The following SETBP1 variants were observed in gnomAD, a reference collection of about 807,000 sequenced individuals.
The protein encoded by SETBP1 is SET binding protein 1.
Under a neutral mutation model 101.0 loss-of-function variants are expected in SETBP1, and 9 were observed. The observed-to-expected ratio is 0.09, with a 90% CI of 0.05 to 0.16. The LOEUF is 0.16. Among genes scored for constraint, SETBP1 ranks in the 10% least tolerant of loss-of-function variants. The pLI is 1.00. For missense variants in SETBP1, 1,858 were observed against 2,033.8 expected (o/e 0.91, Z 1.66); for synonymous variants, 818 against 788.5 (o/e 1.04, Z -0.63).
At chr18:44,703,033 G>A (rs2069144786) in intron 2 of SETBP1, among the ~76,000 whole-genome samples, 1 of 152,136 alleles carries the variant, frequency 6.6e-6, no homozygotes, top group Admixed American at 6.5e-5. Context: ...ATCCTAGGGG[G>A]TTACAGTGAC....
chr18:44,773,603 G>T (rs1356783098), intron 2 of SETBP1, among the ~76,000 whole-genome samples: 1 of 152,170 alleles, frequency 6.6e-6, no homozygotes, highest in East Asian at 1.9e-4. Flanking sequence ...GTGGTAGTGG[G>T]ATATTAGAGT....
At chr18:45,048,867 A>AGGG (rs2073666757) in intron 5 of SETBP1, among the ~76,000 whole-genome samples, 2 of 148,484 alleles carry the variant, frequency 1.3e-5, no homozygotes, top group African/African-American at 4.9e-5. Context: ...AGCTACTCGG[A>AGGG]AGGCTGAGGC....
rs2071326992 is a variant in SETBP1, at chr18:44,950,767, C to A, written c.1427C>A (p.Pro476His). The stretch of plus-strand genomic sequence containing the variant: ...AGTAAAATGATAGAGAATGAGTCCC[C>A]CTCAGTTGGCCTTGAAACTGGTGGA... The part of the protein sequence containing the change: ...KLSKMIENES[P>H]SVGLETGGNA... The change falls in exon 4 of 6, where the codon CCC becomes CAC. Residue 476 changes from proline (P) to histidine (H), a missense_variant. Coordinates refer to ENST00000649279, the MANE Select transcript of SETBP1 (RefSeq NM_015559.3). The A allele has an allele frequency of 6.2e-7, 1 of 1,614,066 alleles. No individual in the cohort carries two copies. The highest frequency in any genetic ancestry group is 8.5e-7 in the Non-Finnish European group (1 of 1,180,012).
chr18:45,046,840 G>T (rs1041158213), intron 5 of SETBP1, among the ~76,000 whole-genome samples: 1 of 152,196 alleles, frequency 6.6e-6, no homozygotes, highest in Non-Finnish European at 1.5e-5. Context: ...CAGGAGACTT[G>T]CTGTTAAGCA....
chr18:44,748,323 T>C (rs2070306034), intron 2 of SETBP1, among the ~76,000 whole-genome samples: 1 of 152,216 alleles, frequency 6.6e-6, no homozygotes, highest in East Asian at 1.9e-4. Flanking sequence ...GTTTCCTATT[T>C]ACTTAGGAAG....
chr18:44,988,957 G>A (rs958903641), intron 4 of SETBP1: 3 of 152,060 alleles, frequency 2.0e-5, no homozygotes, highest in African/African-American at 7.2e-5. Flanking sequence ...GGAACCCTTA[G>A]GCACCTAACA....
chr18:44,757,994 G>GTC (rs1490718096), intron 2 of SETBP1, among the ~76,000 whole-genome samples: 1 of 152,204 alleles, frequency 6.6e-6, no homozygotes, highest in African/African-American at 2.4e-5. Context: ...TTGGAGATGA[G>GTC]TCTCTTATAC....
intron 3 of SETBP1, among the ~76,000 whole-genome samples, chr18:44,886,127 A>G (rs959615500): frequency 2.0e-5 from 3 of 152,080 alleles, no homozygotes; most frequent in Non-Finnish European, 4.4e-5. Context: ...TTATAAAGTT[A>G]ATAATAAAAA....
rs561379223 is a variant in SETBP1 at position 44,971,091 on chromosome 18, G to C, written c.4000+17751G>C. Among the ~76,000 whole-genome samples the C allele has an allele frequency of 1.8e-3, 248 of 141,546 alleles. 1 individual carries two copies. The highest frequency in any genetic ancestry group is 6.3e-3 in the African/African-American group (241 of 38,018). 92.9% of individuals were successfully genotyped at this position (141,546 alleles called of 152,430 possible). A position where few individuals can be genotyped will look rare whatever the true frequency, so the allele number is the denominator to read the frequency against. ...CTTCCAGTGTCCATGTATTCTCATT[G>C]TTCAATTCCCACCTATGAGTGAGAA... On this transcript the variant is annotated intron_variant, in intron 4 of 5. Transcript: ENST00000649279.
chr18:44,741,336 A>G (rs2070092495), intron 2 of SETBP1, among the ~76,000 whole-genome samples: 1 of 152,162 alleles, frequency 6.6e-6, no homozygotes, highest in Admixed American at 6.5e-5. Context: ...GAACTGTCCT[A>G]AGATTGCCTG....
intron 3 of SETBP1, among the ~76,000 whole-genome samples, chr18:44,900,959 A>G (rs1166411343): frequency 3.9e-5 from 6 of 152,186 alleles, no homozygotes; most frequent in Non-Finnish European, 7.4e-5. Flanking sequence ...GCCAAATAAT[A>G]CTAGAAACAA....
chr18:44,804,300 A>G (rs1362544799), intron 2 of SETBP1, among the ~76,000 whole-genome samples: 1 of 152,190 alleles, frequency 6.6e-6, no homozygotes, highest in Non-Finnish European at 1.5e-5. Flanking sequence ...GGCTTAGGCC[A>G]GGCGATTTTG....
intron 2 of SETBP1, among the ~76,000 whole-genome samples, chr18:44,735,622 A>G (rs2069947697): frequency 6.6e-6 from 1 of 152,222 alleles, no homozygotes; most frequent in African/African-American, 2.4e-5. Flanking sequence ...GCTCCAGGGC[A>G]CAGGGAGGGT....
chr18:44,945,589 C>A (rs1318343795), intron 3 of SETBP1, among the ~76,000 whole-genome samples: 1 of 152,072 alleles, frequency 6.6e-6, no homozygotes, highest in African/African-American at 2.4e-5. Context: ...TGGGAGGCAG[C>A]CAGGCAGCCA....
intron 2 of SETBP1, among the ~76,000 whole-genome samples, chr18:44,774,017 C>A (rs987804340): frequency 2.0e-5 from 3 of 152,064 alleles, no homozygotes; most frequent in African/African-American, 4.8e-5. Flanking sequence ...GCCATTCAAT[C>A]AGATTGAAAA....
chr18:44,715,310 C>T lies in SETBP1; in HGVS notation c.486+13478C>T, dbSNP rs549875771. Among the ~76,000 whole-genome samples, 76 of 152,140 alleles carry T rather than the reference C, an allele frequency of 5.0e-4. 1 individual carries two copies. Among genetic ancestry groups the T allele is most frequent in the African/African-American group, 1.8e-3 (74 of 41,394 alleles). ...CTAGAAAACACTGGGCAGGTCACAG[C>T]GGCAGTGAGGCGTGGTACGAAGTGA... On this transcript the variant is annotated intron_variant, in intron 2 of 5. Coordinates refer to ENST00000649279, the MANE Select transcript of SETBP1 (RefSeq NM_015559.3).
At chr18:44,915,029 G>A (rs2070395247) in intron 3 of SETBP1, among the ~76,000 whole-genome samples, 1 of 152,144 alleles carries the variant, frequency 6.6e-6, no homozygotes, top group Non-Finnish European at 1.5e-5. Flanking sequence ...TGCAACTGAT[G>A]TCATTACTGC....
chr18:44,806,227 A>T (rs1015976483), intron 2 of SETBP1, among the ~76,000 whole-genome samples: 24 of 152,192 alleles, frequency 1.6e-4, no homozygotes, highest in Admixed American at 1.2e-3. Flanking sequence ...GTTTATTTTT[A>T]AAAAATCTGT....
At chr18:44,785,766 G>A (rs1373669307) in intron 2 of SETBP1, among the ~76,000 whole-genome samples, 3 of 152,192 alleles carry the variant, frequency 2.0e-5, no homozygotes, top group Admixed American at 6.5e-5. Context: ...TTTCAGGTTA[G>A]GGCCAAGGAT....
Sources: allele counts gnomAD v4.1 joint callset (sites outside exome capture counted in the v4.1 genomes callset), GRCh38; gene constraint gnomAD v4.1.1; transcripts MANE v1.5; gene names NCBI Gene and HGNC (gene_info 2026-07-23, HGNC 2026-07-21).